Variants in DRC9 observed in about 807,000 individuals in gnomAD.
DRC9 encodes dynein regulatory complex protein 9.
chr3:197,939,827 G>T, the DRC9 span, among the ~76,000 whole-genome samples: 4 of 151,888 alleles, frequency 2.6e-5, no homozygotes, highest in Admixed American at 2.0e-4. Context: ...TGACCTCTGG[G>T]ATGCCCCATT....
the DRC9 span, chr3:197,892,881 A>G: frequency 8.0e-7 from 1 of 1,251,358 alleles, no homozygotes; most frequent in Non-Finnish European, 1.1e-6. Context: ...AAGGCAGAAC[A>G]GTAGTTACTT....
At chr3:197,941,851 TGAAG>T in the DRC9 span, among the ~76,000 whole-genome samples, 1 of 152,084 alleles carries the variant, frequency 6.6e-6, no homozygotes, top group Non-Finnish European at 1.5e-5. Context: ...TTATTCTTGC[TGAAG>T]GAGATAATAA....
the DRC9 span, among the ~76,000 whole-genome samples, chr3:197,900,032 G>A: frequency 6.6e-6 from 1 of 152,194 alleles, no homozygotes; most frequent in African/African-American, 2.4e-5. The surrounding 1 kb of genome is among the most constrained non-coding windows in gnomAD (Gnocchi z 4.7). Context: ...AAGCAAAACC[G>A]GGTTGAACTC....
chr3:197,950,284 C>T, the DRC9 span: 4 of 1,230,302 alleles, frequency 3.3e-6, no homozygotes, highest in Admixed American at 8.4e-5. Context: ...TGTTCCTGTG[C>T]CTTGGCGAGT....
At chr3:197,913,811 C>T in the DRC9 span, 2 of 1,460,668 alleles carry the variant, frequency 1.4e-6, no homozygotes, top group Non-Finnish European at 1.9e-6. Flanking sequence ...CCTTTGTTAG[C>T]TGAGAGGGGA....
chr3:197,930,507 G>A, the DRC9 span, among the ~76,000 whole-genome samples: 4 of 151,958 alleles, frequency 2.6e-5, no homozygotes, highest in African/African-American at 7.2e-5. Context: ...TTGGGAGGCC[G>A]AGGCGGGTGG....
chr3:197,897,320 G>A, the DRC9 span, among the ~76,000 whole-genome samples: 2 of 152,090 alleles, frequency 1.3e-5, no homozygotes, highest in South Asian at 4.2e-4. Flanking sequence ...AATCAATCAA[G>A]CCAAATATAA....
chr3:197,924,503 C>T, the DRC9 span, among the ~76,000 whole-genome samples: 3 of 152,210 alleles, frequency 2.0e-5, no homozygotes, highest in East Asian at 1.9e-4. Context: ...AAGCTGATAA[C>T]GGGCCATCCT....
chr3:197,927,373 T>C, the DRC9 span, among the ~76,000 whole-genome samples: 1 of 152,180 alleles, frequency 6.6e-6, no homozygotes, highest in African/African-American at 2.4e-5. Context: ...ATTACAGGCA[T>C]GTGCCACCAC....
chr3:197,903,943 C>T, the DRC9 span, among the ~76,000 whole-genome samples: 2 of 150,404 alleles, frequency 1.3e-5, no homozygotes, highest in Non-Finnish European at 3.0e-5. Flanking sequence ...GATCTTGTCT[C>T]TCTCTCTCTC....
At chr3:197,941,314 T>C in the DRC9 span, among the ~76,000 whole-genome samples, 1 of 98,592 alleles carries the variant, frequency 1.0e-5, no homozygotes, top group African/African-American at 5.1e-5. Context: ...CTCCTTCCCT[T>C]TCTTCCTTCC....
the DRC9 span, among the ~76,000 whole-genome samples, chr3:197,926,532 CAGCTA>C: frequency 6.6e-6 from 1 of 151,972 alleles, no homozygotes; most frequent in Non-Finnish European, 1.5e-5. Flanking sequence ...GCGGTGTAGA[CAGCTA>C]AGGTGAGTTG....
At chr3:197,960,004 T>G in the DRC9 span, 1 of 562,594 alleles carries the variant, frequency 1.8e-6, no homozygotes, top group Non-Finnish European at 3.2e-6. Context: ...CCTTTCTTCC[T>G]CCCACAGCCC....
chr3:197,945,006 A>G, the DRC9 span, among the ~76,000 whole-genome samples: 321 of 152,288 alleles, frequency 2.1e-3, no homozygotes, highest in African/African-American at 7.5e-3. Flanking sequence ...TCTCATGATG[A>G]GTGAAAAACA....
At chr3:197,923,832 C>T in the DRC9 span, among the ~76,000 whole-genome samples, 4 of 151,998 alleles carry the variant, frequency 2.6e-5, no homozygotes, top group Non-Finnish European at 5.9e-5. Flanking sequence ...TTTGAGAGGC[C>T]AAGGAGGGAG....
the DRC9 span, among the ~76,000 whole-genome samples, chr3:197,940,392 GAA>G: frequency 6.6e-6 from 1 of 151,628 alleles, no homozygotes. Flanking sequence ...AAAAAGAGAA[GAA>G]AAACAGTATT....
At chr3:197,945,151 G>C in the DRC9 span, among the ~76,000 whole-genome samples, 1 of 152,152 alleles carries the variant, frequency 6.6e-6, no homozygotes, top group African/African-American at 2.4e-5. Context: ...GACGGAGTGT[G>C]ACTTGCAAGG....
chr3:197,951,220 A>G, the DRC9 span: 1 of 1,614,252 alleles, frequency 6.2e-7, no homozygotes, highest in East Asian at 2.2e-5. Context: ...AAGGGAGCAC[A>G]CAGCTCTTCT....
chr3:197,889,778 A>G, the DRC9 span: 2 of 1,577,318 alleles, frequency 1.3e-6, no homozygotes, highest in Admixed American at 1.7e-5. Flanking sequence ...TTCTTTCCAC[A>G]TAAAGGGACT....
Sources: gnomAD v4.1 joint callset for allele counts (sites outside exome capture counted in the v4.1 genomes callset) on GRCh38, gnomAD v4.1.1 for gene constraint, Gnocchi (gnomAD v3.1) non-coding constraint, MANE v1.5 for transcripts, NCBI Gene and HGNC (gene_info 2026-07-23, HGNC 2026-07-21) for gene names.